The following EXOC6B variants were observed in gnomAD, a reference collection of about 807,000 sequenced individuals.
EXOC6B encodes the protein exocyst complex component 6B.
EXOC6B carries 54 observed loss-of-function variants against 113.5 expected under a neutral mutation model. The ratio of observed to expected loss-of-function variants is 0.48; its 90% CI spans 0.38 to 0.60. The LOEUF is 0.60. EXOC6B is among the 20% of genes least tolerant of loss of function. The probability of loss-of-function intolerance (pLI) is 0.00; values close to 1 mark genes in which losing one functional copy is unlikely to be tolerated. For synonymous variants in EXOC6B, 357 were observed against 339.0 expected (o/e 1.05, Z -0.58); for missense variants, 797 against 977.5 (o/e 0.82, Z 2.46).
At chr2:72,777,507 C>T (rs1203034336) in intron 1 of EXOC6B, among the ~76,000 whole-genome samples, 1 of 151,950 alleles carries the variant, frequency 6.6e-6, no homozygotes, top group Admixed American at 6.6e-5. Flanking sequence ...ATTAAGATAT[C>T]CCCAGATAAA....
intron 6 of EXOC6B, among the ~76,000 whole-genome samples, chr2:72,667,218 A>G (rs1003135965): frequency 6.6e-6 from 1 of 152,224 alleles, no homozygotes; most frequent in African/African-American, 2.4e-5. Context: ...GAAATCAGAG[A>G]TGACATAAAC....
chr2:72,539,838 G>A (rs558644223), intron 8 of EXOC6B, among the ~76,000 whole-genome samples: 24 of 151,692 alleles, frequency 1.6e-4, no homozygotes, highest in East Asian at 7.8e-4. Flanking sequence ...GGTTACATGC[G>A]CACAATGTGC....
chr2:72,255,641 C>A (rs1683309233), intron 20 of EXOC6B, among the ~76,000 whole-genome samples: 1 of 152,184 alleles, frequency 6.6e-6, no homozygotes, highest in Non-Finnish European at 1.5e-5. Context: ...GGAAACAGAT[C>A]ATTTCTTTTC....
intron 20 of EXOC6B, among the ~76,000 whole-genome samples, chr2:72,229,813 C>T (rs926458747): frequency 6.6e-6 from 1 of 152,098 alleles, no homozygotes; most frequent in Admixed American, 6.5e-5. Flanking sequence ...AAATGGATAC[C>T]ACGTGCTACC....
chr2:72,369,085 G>C (rs1057176900), intron 19 of EXOC6B, among the ~76,000 whole-genome samples: 9 of 152,186 alleles, frequency 5.9e-5, no homozygotes, highest in African/African-American at 1.9e-4. Context: ...GTCTCTGTTT[G>C]CAGATGACAT....
At chr2:72,432,888 T>G (rs929791155) in intron 18 of EXOC6B, among the ~76,000 whole-genome samples, 1 of 152,234 alleles carries the variant, frequency 6.6e-6, no homozygotes, top group Non-Finnish European at 1.5e-5. Flanking sequence ...TAGTTTCTTT[T>G]GCTGTGCAGA....
At chr2:72,699,353 C>G (rs1317507040) in intron 6 of EXOC6B, among the ~76,000 whole-genome samples, 2 of 152,066 alleles carry the variant, frequency 1.3e-5, no homozygotes, top group African/African-American at 4.8e-5. Flanking sequence ...GTGATGGGTA[C>G]CTGTAATCCC....
In EXOC6B at chr2:72,798,926, T is replaced by C. The variant is rs1044711734; in HGVS notation, c.113+26872A>G. On this transcript the variant is annotated intron_variant, in intron 1 of 21. Coordinates refer to ENST00000272427, the MANE Select transcript of EXOC6B (RefSeq NM_015189.3). ...TATTTCCAGGTATAATTATATGTAG[T>C]CATTTGACCTACATATAAAATGTGT... 2.6e-5 allele frequency among the ~76,000 whole-genome samples: 4 copies of C among 152,040 alleles called. No homozygotes were observed. The South Asian group carries it at 6.2e-4, about 24-fold the overall frequency.
chr2:72,676,070 C>T (rs1421569043), intron 6 of EXOC6B, among the ~76,000 whole-genome samples: 2 of 149,918 alleles, frequency 1.3e-5, no homozygotes, highest in Admixed American at 1.3e-4. Flanking sequence ...CTTATGAAGG[C>T]ATATGGCATG....
chr2:72,303,418 G>A (rs959312760), intron 20 of EXOC6B, among the ~76,000 whole-genome samples: 31 of 152,196 alleles, frequency 2.0e-4, no homozygotes, highest in African/African-American at 6.0e-4. Context: ...ATATTTCATG[G>A]AGGTTTTGTT....
At chr2:72,657,000 C>A (rs528733577) in intron 6 of EXOC6B, among the ~76,000 whole-genome samples, 1 of 151,922 alleles carries the variant, frequency 6.6e-6, no homozygotes, top group Non-Finnish European at 1.5e-5. Flanking sequence ...TACAGGCATG[C>A]ACCACCATGC....
At chr2:72,652,761 TGTA>T in intron 6 of EXOC6B, among the ~76,000 whole-genome samples, 1 of 148,060 alleles carries the variant, frequency 6.8e-6, no homozygotes, top group Non-Finnish European at 1.5e-5. Flanking sequence ...ATATAAAATA[TGTA>T]GTAATATATA....
At chr2:72,490,933 A>C (rs1699706648) in intron 16 of EXOC6B, among the ~76,000 whole-genome samples, 2 of 152,200 alleles carry the variant, frequency 1.3e-5, no homozygotes, top group African/African-American at 4.8e-5. Context: ...AATTGTTAAG[A>C]GACTGCTAAA....
chr2:72,270,917 T>C (rs1684442135), intron 20 of EXOC6B, among the ~76,000 whole-genome samples: 1 of 152,196 alleles, frequency 6.6e-6, no homozygotes, highest in Non-Finnish European at 1.5e-5. Context: ...TGTTTCTTGC[T>C]GAAATTTAAA....
chr2:72,265,522 C>T (rs1204748656), intron 20 of EXOC6B, among the ~76,000 whole-genome samples: 7 of 150,936 alleles, frequency 4.6e-5, no homozygotes, highest in Non-Finnish European at 2.9e-5. Context: ...TTTGTCCTTG[C>T]GATAGTTTAC....
intron 6 of EXOC6B, among the ~76,000 whole-genome samples, chr2:72,708,836 C>T (rs1679061787): frequency 2.0e-5 from 3 of 151,794 alleles, no homozygotes; most frequent in Non-Finnish European, 4.4e-5. Flanking sequence ...CTCAACCCAT[C>T]CTCCTTCCTC....
At chr2:72,270,349 A>G (rs1162947408) in intron 20 of EXOC6B, among the ~76,000 whole-genome samples, 2 of 152,148 alleles carry the variant, frequency 1.3e-5, no homozygotes, top group Admixed American at 1.3e-4. Context: ...AGCGTCCCAA[A>G]CAAAGGCTGA....
intron 20 of EXOC6B, among the ~76,000 whole-genome samples, chr2:72,223,496 C>A (rs1681002462): frequency 6.6e-6 from 1 of 152,038 alleles, no homozygotes; most frequent in Admixed American, 6.6e-5. Context: ...AGATTTTTTC[C>A]CAAGCATCCT....
At chr2:72,347,588 A>G (rs1689411908) in intron 19 of EXOC6B, among the ~76,000 whole-genome samples, 1 of 152,308 alleles carries the variant, frequency 6.6e-6, no homozygotes, top group African/African-American at 2.4e-5. Flanking sequence ...AACAAGTAAA[A>G]TTAATTCTAA....
Sources: gnomAD v4.1 joint callset for allele counts (sites outside exome capture counted in the v4.1 genomes callset) on GRCh38, gnomAD v4.1.1 for gene constraint, MANE v1.5 for transcripts, NCBI Gene and HGNC (gene_info 2026-07-23, HGNC 2026-07-21) for gene names.